The following RCSD1 variants were observed in gnomAD, a reference collection of about 807,000 sequenced individuals.
The protein encoded by RCSD1 is capZ-interacting protein.
Under a neutral mutation model 42.5 loss-of-function variants are expected in RCSD1, and 26 were observed. The ratio of observed to expected loss-of-function variants is 0.61; its 90% CI spans 0.45 to 0.85. The LOEUF (loss-of-function observed/expected upper bound fraction) is 0.85. RCSD1 is among the 40% of genes least tolerant of loss of function. RCSD1 has a pLI of 0.00. For synonymous variants in RCSD1, 220 were observed against 212.2 expected, an observed-to-expected ratio of 1.04 and a Z score of -0.32; for missense variants, 571 against 528.3, an observed-to-expected ratio of 1.08 and a Z score of -0.79.
chr1:167,676,280 G>C (rs1434184965), intron 1 of RCSD1, among the ~76,000 whole-genome samples: 1 of 152,228 alleles, frequency 6.6e-6, no homozygotes, highest in Non-Finnish European at 1.5e-5. Flanking sequence ...GTAAAGCATA[G>C]TGCACCCTCC....
rs974916382 is a variant in RCSD1 at position 167,698,964 on chromosome 1, T to C, written c.1218+1122T>C. ...ACAGGCGCCCGCCACCACGCCCGGC[T>C]AATTTTTTGTATTTTTAGTGGAGAC... On this transcript the variant is annotated intron_variant, in intron 6 of 6. Coordinates refer to ENST00000367854, the MANE Select transcript of RCSD1 (RefSeq NM_052862.4). Among the ~76,000 whole-genome samples, 76 of 152,002 alleles carry C rather than the reference T, an allele frequency of 5.0e-4. No individual in the cohort carries two copies. The Middle Eastern group carries it at 0.017, about 34-fold the overall frequency.
At chr1:167,674,817 T>C (rs1396036149) in intron 1 of RCSD1, among the ~76,000 whole-genome samples, 4 of 152,254 alleles carry the variant, frequency 2.6e-5, no homozygotes, top group African/African-American at 9.6e-5. Context: ...TTCCTTTTTA[T>C]AGGTGAAAAA....
chr1:167,633,539 G>A (rs2102191374), intron 1 of RCSD1: 1 of 152,374 alleles, frequency 6.6e-6, no homozygotes, highest in Admixed American at 6.5e-5. Flanking sequence ...CTAAGTGGGT[G>A]AGTGGGAGCT....
chr1:167,684,108 T>G, intron 2 of RCSD1, 107 bp downstream of exon 2: 1 of 865,122 alleles, frequency 1.2e-6, no homozygotes, highest in African/African-American at 1.7e-5. Context: ...AGTTACCAAA[T>G]TAGGAAGAGA....
intron 1 of RCSD1, among the ~76,000 whole-genome samples, chr1:167,639,871 A>T (rs1233686055): frequency 6.6e-6 from 1 of 152,202 alleles, no homozygotes; most frequent in Non-Finnish European, 1.5e-5. Context: ...CTGCAGCGCC[A>T]CGCCTTGTTC....
At chr1:167,654,049 C>A (rs1445356676) in intron 1 of RCSD1, among the ~76,000 whole-genome samples, 1 of 152,154 alleles carries the variant, frequency 6.6e-6, no homozygotes, top group Non-Finnish European at 1.5e-5. Context: ...GCATACGGAT[C>A]ATAATGCTTG....
chr1:167,674,206 A>G (rs1486343358), intron 1 of RCSD1, among the ~76,000 whole-genome samples: 1 of 152,238 alleles, frequency 6.6e-6, no homozygotes, highest in Non-Finnish European at 1.5e-5. Context: ...CTTCACAGGT[A>G]CTTGACATGA....
rs554165281 is a variant in RCSD1, at chr1:167,698,961, G to A, written c.1218+1119G>A. Among the ~76,000 whole-genome samples, 144 of 152,040 alleles carry A rather than the reference G, an allele frequency of 9.5e-4. 1 individual carries two copies. Among genetic ancestry groups the A allele is most frequent in the Non-Finnish European group, 3.7e-4 (25 of 67,974 alleles). ...ACCACAGGCGCCCGCCACCACGCCC[G>A]GCTAATTTTTTGTATTTTTAGTGGA... On this transcript the variant is annotated intron_variant, in intron 6 of 6. Transcript: ENST00000367854.
chr1:167,646,346 G>C (rs1476623598), intron 1 of RCSD1, among the ~76,000 whole-genome samples: 1 of 150,742 alleles, frequency 6.6e-6, no homozygotes, highest in Non-Finnish European at 1.5e-5. Flanking sequence ...GCAGGCCAAA[G>C]ACAGCTCGGG....
chr1:167,666,727 C>A (rs144197622), intron 1 of RCSD1, among the ~76,000 whole-genome samples: 1 of 152,200 alleles, frequency 6.6e-6, no homozygotes, highest in African/African-American at 2.4e-5. Flanking sequence ...AGGCTGAACA[C>A]CCAACAGTCT....
intron 1 of RCSD1, chr1:167,633,798 G>C (rs1657760754): frequency 6.6e-6 from 1 of 152,346 alleles, no homozygotes; most frequent in South Asian, 2.1e-4. Context: ...GAGTGAGCAA[G>C]GGAACCAGGT....
chr1:167,671,139 G>T (rs1571692367), intron 1 of RCSD1, among the ~76,000 whole-genome samples: 1 of 152,114 alleles, frequency 6.6e-6, no homozygotes, highest in East Asian at 1.9e-4. Flanking sequence ...CCTGGCCTAG[G>T]GTCTGGCATG....
At chr1:167,685,801 T>G (rs955141104) in intron 3 of RCSD1, among the ~76,000 whole-genome samples, 2 of 152,174 alleles carry the variant, frequency 1.3e-5, no homozygotes, top group Admixed American at 6.5e-5. Flanking sequence ...CATATATTAT[T>G]AACAGACCCA....
intron 5 of RCSD1, 87 bp from the exon 6 acceptor site, chr1:167,697,009 GCAC>G: frequency 4.9e-6 from 6 of 1,222,038 alleles, no homozygotes; most frequent in South Asian, 4.5e-5. Context: ...GTGAAGCAGT[GCAC>G]CAGACTGACA....
At chr1:167,650,648 C>G (rs1658277959) in intron 1 of RCSD1, among the ~76,000 whole-genome samples, 1 of 152,238 alleles carries the variant, frequency 6.6e-6, no homozygotes, top group Non-Finnish European at 1.5e-5. Context: ...AGTCCAGGAG[C>G]TGTAGGGACT....
chr1:167,664,731 C>G (rs1429199482), intron 1 of RCSD1: 7 of 152,192 alleles, frequency 4.6e-5, no homozygotes, highest in African/African-American at 1.7e-4. Context: ...ATGGCAAAAC[C>G]CTGTCTCTAC....
chr1:167,657,632 G>A (rs902253034), intron 1 of RCSD1, among the ~76,000 whole-genome samples: 2 of 152,042 alleles, frequency 1.3e-5, no homozygotes, highest in African/African-American at 4.8e-5. Flanking sequence ...CTGGGCATCT[G>A]TGCCCAGTCC....
intron 1 of RCSD1, chr1:167,641,381 A>C (rs1658001558): frequency 6.6e-6 from 1 of 152,156 alleles, no homozygotes; most frequent in South Asian, 2.1e-4. Context: ...CCCTTCATTC[A>C]TTTATTTAGA....
intron 1 of RCSD1, among the ~76,000 whole-genome samples, chr1:167,636,826 T>A (rs560339599): frequency 6.6e-6 from 1 of 152,286 alleles, no homozygotes; most frequent in South Asian, 2.1e-4. Context: ...CCTCAGGTAA[T>A]CCACCCACCT....
Sources: allele counts gnomAD v4.1 joint callset (sites outside exome capture counted in the v4.1 genomes callset), GRCh38; gene constraint gnomAD v4.1.1; transcripts MANE v1.5; gene names NCBI Gene and HGNC (gene_info 2026-07-23, HGNC 2026-07-21).